LRFN1: variants seen among roughly 807,000 people sequenced by gnomAD.
LRFN1 encodes leucine-rich repeat and fibronectin type III domain-containing protein 1.
In LRFN1, 20 loss-of-function variants were observed where a neutral mutation model predicts 31.8. The ratio of observed to expected loss-of-function variants is 0.63; its 90% CI spans 0.44 to 0.91. LRFN1 has a LOEUF of 0.91. Ranked by LOEUF, LRFN1 falls within the 40% of genes least tolerant of loss-of-function variation. LRFN1 has a pLI of 0.00. For synonymous variants in LRFN1, 514 were observed against 541.3 expected, an observed-to-expected ratio of 0.95 and a Z score of 0.70; for missense variants, 912 against 1,129.8, an observed-to-expected ratio of 0.81 and a Z score of 2.76.
Position 39,308,028 on chromosome 19 carries a change from G to A in LRFN1, c.1921C>T (p.Arg641Cys). The A allele has an allele frequency of 6.4e-7, 1 of 1,552,510 alleles. No individual in the cohort carries two copies. The highest frequency in any genetic ancestry group is 8.7e-7 in the Non-Finnish European group (1 of 1,154,244). ...ASAEPEVVLG[R>C]SLGGSATSLC... ...GAGGTGGCCGAGCCGCCCAGAGAAC[G>A]TCCAAGGACCACCTCCGGCTCCGCG... The change falls in exon 5 of 5, where the codon CGT becomes TGT. Residue 641 changes from arginine to cysteine, a missense_variant. Physicochemically the swap from Arg to Cys is radical, Grantham distance 180 (BLOSUM62 -3). This residue lies in a region of LRFN1 where 511 missense variants were observed against 557.0 expected (regional missense o/e 0.92). Transcript: ENST00000248668. The surrounding 1 kb of genome is among the most constrained non-coding windows in gnomAD (Gnocchi z 6.2).
intron 4 of LRFN1, among the ~76,000 whole-genome samples, chr19:39,311,208 A>C (rs1026340947): frequency 9.2e-5 from 14 of 152,112 alleles, no homozygotes; most frequent in Admixed American, 7.2e-4. Context: ...GTTGGCTGCC[A>C]CCTCCGCCCA....
intron 2 of LRFN1, among the ~76,000 whole-genome samples, chr19:39,316,774 C>A (rs1266030749): frequency 6.6e-6 from 1 of 152,164 alleles, no homozygotes; most frequent in East Asian, 1.9e-4. Flanking sequence ...GGCAGGGATT[C>A]CCCCTGCGGC....
intron 4 of LRFN1, among the ~76,000 whole-genome samples, chr19:39,309,478 CAAA>C (rs71169583): frequency 8.1e-4 from 26 of 31,998 alleles, no homozygotes; most frequent in African/African-American, 2.8e-3. Context: ...ACAAACAAAC[CAAA>C]AAAAAAAAAA....
Position 39,309,380 on chromosome 19 carries a change from G to T in LRFN1, c.1407-838C>A, listed in dbSNP as rs537496390. Among the ~76,000 whole-genome samples, 64 of 151,206 alleles carry T rather than the reference G, an allele frequency of 4.2e-4. 3 individuals carry two copies. The South Asian group carries it at 0.012, about 29-fold the overall frequency. On this transcript the variant is annotated intron_variant, in intron 4 of 4. Transcript: ENST00000248668. ...GAGGCAGGAAAATCGCTTGAACCCG[G>T]GAGGTGGAGGTTGCAGTGAGCCGAG...
intron 2 of LRFN1, among the ~76,000 whole-genome samples, chr19:39,316,865 T>C (rs1313174373): frequency 6.6e-6 from 1 of 151,910 alleles, no homozygotes; most frequent in East Asian, 1.9e-4. Flanking sequence ...GAAGGGGGCG[T>C]CCCTAAAACT....
chr19:39,318,075 T>G lies in LRFN1; in HGVS notation c.-93+251A>C, dbSNP rs538979706. Among the ~76,000 whole-genome samples the G allele has an allele frequency of 2.6e-5, 4 of 152,314 alleles. No homozygotes were observed. The East Asian group carries it at 7.7e-4, about 29-fold the overall frequency. ...TAACCATCCTGAGAATGAATGTCTC[T>G]TGGCCTGAAACCCCCCACCTGCTCC... On this transcript the variant is annotated intron_variant, in intron 2 of 4. Transcript: ENST00000248668.
Position 39,314,660 on chromosome 19 carries a change from G to A in LRFN1, c.677C>T (p.Pro226Leu). 1 of 1,612,986 alleles carries A rather than the reference G, an allele frequency of 6.2e-7. No homozygotes were observed. The highest frequency in any genetic ancestry group is 2.2e-5 in the East Asian group (1 of 44,828). Residue 226 changes from proline to leucine, a missense_variant, in exon 4 of 5, where the codon CCG (proline) becomes CTG (leucine). Pro to Leu is a moderately conservative substitution (Grantham distance 98, BLOSUM62 -3). Transcript: ENST00000248668. ...CGACCTCAGGAAGAGCCCGTCGGGCGGGAGTTTATGCAGGCGGTTGGAGGT... is the reference window on the plus strand; with the variant it reads ...CGACCTCAGGAAGAGCCCGTCGGGCAGGAGTTTATGCAGGCGGTTGGAGGT... ...DMTSNRLHKL[P>L]PDGLFLRSQG...
rs142978892 is a variant in LRFN1 at position 39,308,533 on chromosome 19, C to A, written c.1416G>T (p.Pro472=). 546 of 1,257,134 alleles carry A rather than the reference C, an allele frequency of 4.3e-4. 6 individuals carry two copies. The East Asian group carries it at 0.015, about 33-fold the overall frequency. The allele number at this position is 1,257,134 out of a possible 1,614,324, so 77.9% of individuals were successfully genotyped here. ...TCACCAGGAAGGTCTGACTGGTGGA[C>A]GGGATCATCCTGTAGGAGGGGGCGG... ...VDDSLVYRMI[P]STSQTFLVND... is the part of the protein sequence containing the mutation. The change falls in exon 5 of 5, where the codon CCG becomes CCT. Residue 472 remains proline (P), a synonymous_variant. Coordinates refer to ENST00000248668, the MANE Select transcript of LRFN1 (RefSeq NM_020862.2). The surrounding 1 kb of genome is among the most constrained non-coding windows in gnomAD (Gnocchi z 6.2).
rs1412709297 is a variant in LRFN1 at position 39,314,635 on chromosome 19, C to A, written c.702G>T (p.Ser234=). ...KLPPDGLFLR[S]QGTGPKPPTP... ...TGGGCGGCTTGGGCCCGGTGCCCTGCGACCTCAGGAAGAGCCCGTCGGGCG... is the reference window on the plus strand; with the variant it reads ...TGGGCGGCTTGGGCCCGGTGCCCTGAGACCTCAGGAAGAGCCCGTCGGGCG... The change falls in exon 4 of 5, where the codon TCG becomes TCT. Residue 234 remains serine, a synonymous_variant. Transcript: ENST00000248668. 3 of 1,610,500 alleles carry A rather than the reference C, an allele frequency of 1.9e-6. No individual in the cohort carries two copies. Among genetic ancestry groups the A allele is most frequent in the Non-Finnish European group, 2.5e-6 (3 of 1,178,408 alleles).
chr19:39,314,515 G>A lies in LRFN1; in HGVS notation c.822C>T (p.Thr274=), dbSNP rs753600364. The A allele has an allele frequency of 2.0e-5, 32 of 1,610,330 alleles. No individual in the cohort carries two copies. The highest frequency in any genetic ancestry group is 2.6e-5 in the Non-Finnish European group (31 of 1,179,076). ...CGGTGAGGTGTTCGGGCGTGGCGCA[G>A]GTCTCTAAGTCGTCCTCGCGGGTCA... The part of the protein sequence containing the change: ...RRLTREDDLE[T]CATPEHLTDR... Residue 274 remains threonine (T), a synonymous_variant, in exon 4 of 5, where the codon ACC becomes ACT. Coordinates refer to ENST00000248668, the MANE Select transcript of LRFN1 (RefSeq NM_020862.2).
chr19:39,307,756 G>A lies in LRFN1; in HGVS notation c.2193C>T (p.Ser731=). ...RRARRTKRHR[S]TPHLDGAGGG... ...CTCCAGCCCCGTCCAGGTGCGGCGT[G>A]GACCGGTGGCGCTTTGTCCGCCGGG... The change falls in exon 5 of 5, where the codon TCC becomes TCT. Residue 731 remains serine, a synonymous_variant. Coordinates refer to ENST00000248668, the MANE Select transcript of LRFN1 (RefSeq NM_020862.2). This position sits in a 1 kb window ranked among gnomAD's most constrained non-coding sequence, Gnocchi z 6.7. 6.7e-7 allele frequency: 1 copy of A among 1,490,974 alleles called. No homozygotes were observed. Among genetic ancestry groups the A allele is most frequent in the South Asian group, 1.4e-5 (1 of 73,968 alleles). 92.4% of individuals were successfully genotyped at this position (1,490,974 alleles called of 1,614,324 possible).
At chr19:39,320,186 G>C (rs1204327825) in intron 1 of LRFN1, among the ~76,000 whole-genome samples, 1 of 151,010 alleles carries the variant, frequency 6.6e-6, no homozygotes, top group African/African-American at 2.4e-5. Context: ...TGGACCGAGG[G>C]AGCGGCGAAC....
Position 39,307,627 on chromosome 19 carries a change from C to T in LRFN1, c.*6G>A, listed in dbSNP as rs112228799. 4.1e-4 allele frequency: 575 copies of T among 1,391,864 alleles called. 1 individual carries two copies. In the African/African-American group the frequency reaches 6.5e-3, roughly 16 times the overall value. 86.2% of individuals were successfully genotyped at this position (1,391,864 alleles called of 1,614,324 possible). On this transcript the variant is annotated 3_prime_UTR_variant, in exon 5 of 5. Coordinates refer to ENST00000248668, the MANE Select transcript of LRFN1 (RefSeq NM_020862.2). This position sits in a 1 kb window ranked among gnomAD's most constrained non-coding sequence, Gnocchi z 6.7. ...GCACCCAGGCGTCCCGGCGCCCGCC[C>T]GCCGCTCACACGGTACTCTCCAGCA...
At position 39,307,127 on chromosome 19, in the gene LRFN1, G is replaced by A; in HGVS notation, c.*506C>T. ...GAGACAAACGAGGGAAACAGAGAAA[G>A]GGGGACCCCAAGCCAGACCCGACCG... On this transcript the variant is annotated 3_prime_UTR_variant, in exon 5 of 5. Transcript: ENST00000248668. This position sits in a 1 kb window ranked among gnomAD's most constrained non-coding sequence, Gnocchi z 6.7. 1 of 396,812 alleles carries A rather than the reference G, an allele frequency of 2.5e-6. No individual in the cohort carries two copies. Among genetic ancestry groups the A allele is most frequent in the Non-Finnish European group, 4.4e-6 (1 of 225,474 alleles). The allele number at this position is 396,812 out of a possible 1,614,324, so 24.6% of individuals were successfully genotyped here.
rs994820175 is a variant in LRFN1 at position 39,308,789 on chromosome 19, T to C, written c.1407-247A>G. Among the ~76,000 whole-genome samples, 1 of 152,136 alleles carries C rather than the reference T, an allele frequency of 6.6e-6. No individual in the cohort carries two copies. Among genetic ancestry groups the C allele is most frequent in the Admixed American group, 6.5e-5 (1 of 15,284 alleles). On this transcript the variant is annotated intron_variant, in intron 4 of 4. Transcript: ENST00000248668. This position sits in a 1 kb window ranked among gnomAD's most constrained non-coding sequence, Gnocchi z 6.2. ...TGTCCCATCACCCACTGGGACAATA[T>C]ATCTATCATTCGTATTACCTCCTCT...
intron 1 of LRFN1, among the ~76,000 whole-genome samples, chr19:39,320,071 C>G (rs1381518089): frequency 6.8e-6 from 1 of 146,914 alleles, no homozygotes; most frequent in East Asian, 2.1e-4. Context: ...TCTCATCCCC[C>G]CTCCATCTGT....
intron 4 of LRFN1, among the ~76,000 whole-genome samples, chr19:39,309,162 A>AC (rs1043779972): frequency 7.2e-5 from 11 of 152,170 alleles, no homozygotes; most frequent in African/African-American, 2.7e-4. Flanking sequence ...TTTGGGTAAA[A>AC]CATCTAGCTT....
At chr19:39,311,267 G>A (rs1226829805) in intron 4 of LRFN1, among the ~76,000 whole-genome samples, 1 of 152,214 alleles carries the variant, frequency 6.6e-6, no homozygotes. Flanking sequence ...ATAGGAATCT[G>A]CAATGGGGGT....
chr19:39,313,608 G>A (rs2075158513), intron 4 of LRFN1, among the ~76,000 whole-genome samples: 1 of 152,218 alleles, frequency 6.6e-6, no homozygotes, highest in Non-Finnish European at 1.5e-5. Flanking sequence ...CTGAAGAGGT[G>A]CACAATCAGA....
Sources: allele counts gnomAD v4.1 joint callset (sites outside exome capture counted in the v4.1 genomes callset), GRCh38; gene constraint gnomAD v4.1.1; regional missense constraint gnomAD v4.1.1; non-coding constraint Gnocchi (gnomAD v3.1); transcripts MANE v1.5; gene names NCBI Gene and HGNC (gene_info 2026-07-23, HGNC 2026-07-21).